The following CAMK2B variants were observed in gnomAD, a reference collection of about 807,000 sequenced individuals.
The protein encoded by CAMK2B is calcium/calmodulin dependent protein kinase II beta, also known as calcium/calmodulin-dependent protein kinase type II subunit beta.
CAMK2B carries 27 observed loss-of-function variants against 93.7 expected under a neutral mutation model. That is an observed-to-expected ratio of 0.29 (90% CI 0.21 to 0.40). The LOEUF (loss-of-function observed/expected upper bound fraction) is 0.40, where lower values mean the gene tolerates loss of function less well. Among genes scored for constraint, CAMK2B ranks in the 10% least tolerant of loss-of-function variants. The probability of loss-of-function intolerance (pLI) is 1.00; values close to 1 mark genes in which losing one functional copy is unlikely to be tolerated. For missense variants in CAMK2B, 568 were observed against 895.8 expected (o/e 0.63, Z 4.67); for synonymous variants, 374 against 358.8 (o/e 1.04, Z -0.48).
At position 44,225,009 on chromosome 7, in the gene CAMK2B, C is replaced by T. The variant is rs536414704; in HGVS notation, c.1597+1507G>A. ...CCACACGAATCTCCATCCTGCCCTG[C>T]TCACAGCTCCTTCCTGCAGCCCCCT... On this transcript the variant is annotated intron_variant, in intron 20 of 23. Coordinates refer to ENST00000395749, the MANE Select transcript of CAMK2B (RefSeq NM_001220.5). This position sits in a 1 kb window ranked among gnomAD's most constrained non-coding sequence, Gnocchi z 5.0. Among the ~76,000 whole-genome samples the T allele has an allele frequency of 6.6e-5, 10 of 152,202 alleles. No individual in the cohort carries two copies. Among genetic ancestry groups the T allele is most frequent in the African/African-American group, 2.4e-4 (10 of 41,542 alleles).
In CAMK2B at chr7:44,240,594, G is replaced by T; in HGVS notation, c.946+113C>A. On this transcript the variant is annotated intron_variant, in intron 12 of 23. Coordinates refer to ENST00000395749, the MANE Select transcript of CAMK2B (RefSeq NM_001220.5). ...TCTCAGAGCTGAGGGCAGACGCCGA[G>T]GGCAGGCCTGCCGCAGAGGAGGAGT... 3 of 1,232,770 alleles carry T rather than the reference G, an allele frequency of 2.4e-6. No individual in the cohort carries two copies. The South Asian group carries it at 3.8e-5, about 16-fold the overall frequency. The allele number at this position is 1,232,770 out of a possible 1,614,324, so 76.4% of individuals were successfully genotyped here.
At chr7:44,228,970 C>T (rs755179163) in intron 18 of CAMK2B, 46 bp from the exon 19 acceptor site, 39 of 1,597,640 alleles carry the variant, frequency 2.4e-5, no homozygotes, top group East Asian at 4.5e-5. Flanking sequence ...GACAGACACA[C>T]GAGGCGGCGG....
At chr7:44,275,542 G>A (rs1483125721) in intron 2 of CAMK2B, among the ~76,000 whole-genome samples, 3 of 152,232 alleles carry the variant, frequency 2.0e-5, no homozygotes, top group African/African-American at 4.8e-5. Context: ...AAAACACAGG[G>A]TGCCCAGTTA....
chr7:44,221,287 C>G (rs2096401627), intron 20 of CAMK2B, among the ~76,000 whole-genome samples: 1 of 152,228 alleles, frequency 6.6e-6, no homozygotes, highest in Admixed American at 6.5e-5. Flanking sequence ...CCTGGGCCCA[C>G]CAGGCCTGGC....
intron 1 of CAMK2B, among the ~76,000 whole-genome samples, chr7:44,313,233 G>A (rs141230723): frequency 1.7e-3 from 264 of 152,248 alleles, no homozygotes; most frequent in Non-Finnish European, 2.3e-3. Context: ...TGATCCTTGG[G>A]CTGCCTTTCA....
chr7:44,265,346 C>T (rs148869984), intron 2 of CAMK2B, among the ~76,000 whole-genome samples: 5 of 152,322 alleles, frequency 3.3e-5, no homozygotes, highest in Admixed American at 1.3e-4. Context: ...CTACAATCCA[C>T]GTTCCACCTT....
intron 4 of CAMK2B, among the ~76,000 whole-genome samples, chr7:44,255,412 G>A (rs1347825756): frequency 1.3e-5 from 2 of 152,178 alleles, no homozygotes; most frequent in African/African-American, 4.8e-5. Flanking sequence ...CCCTCTGCAG[G>A]TCTGCCCAAG....
Position 44,286,272 on chromosome 7 carries a change from G to A in CAMK2B, c.66-2047C>T, listed in dbSNP as rs1282664835. On this transcript the variant is annotated intron_variant, in intron 1 of 23. Coordinates refer to ENST00000395749, the MANE Select transcript of CAMK2B (RefSeq NM_001220.5). The surrounding 1 kb of genome is among the most constrained non-coding windows in gnomAD (Gnocchi z 4.0). The stretch of plus-strand genomic sequence containing the variant: ...CGCTCTGACCCCTAGAGGGCTCAGC[G>A]GCCACAGGGCTGACGTGGCAGGCCT... Among the ~76,000 whole-genome samples, 5 of 152,122 alleles carry A rather than the reference G, an allele frequency of 3.3e-5. No homozygotes were observed. Among genetic ancestry groups the A allele is most frequent in the African/African-American group, 7.2e-5 (3 of 41,430 alleles).
intron 11 of CAMK2B, 42 bp from the exon 12 acceptor site, chr7:44,240,791 G>A: frequency 1.2e-6 from 2 of 1,603,418 alleles, no homozygotes; most frequent in Non-Finnish European, 1.7e-6. Flanking sequence ...TCCCATCAGT[G>A]TTCCCTGCTG....
In CAMK2B at chr7:44,226,569, ACTGGCGAGGGGCCCTC is replaced by A. The variant is rs1041322115; in HGVS notation, c.1528_1543del (p.Glu510TrpfsTer51). Reference sequence around the variant, plus strand: ...CGGAGATGGGCAGGGCGGGGGCCCCACTGGCGAGGGGCCCTCGGCTTCTGGGGTCCCTGAGCCCCTC... The same window carrying A: ...CGGAGATGGGCAGGGCGGGGGCCCCAGGCTTCTGGGGTCCCTGAGCCCCTC... On this transcript the variant is annotated frameshift_variant, in exon 20 of 24. Coordinates refer to ENST00000395749, the MANE Select transcript of CAMK2B (RefSeq NM_001220.5). LOFTEE classifies it high-confidence loss of function. The A allele has an allele frequency of 2.8e-5, 41 of 1,465,048 alleles. No homozygotes were observed. The highest frequency in any genetic ancestry group is 3.1e-5 in the Non-Finnish European group (35 of 1,114,990). The allele number at this position is 1,465,048 out of a possible 1,614,324, so 90.8% of individuals were successfully genotyped here.
rs193025230 is a variant in CAMK2B at position 44,322,814 on chromosome 7, G to A, written c.65+2543C>T. Among the ~76,000 whole-genome samples, 879 of 152,374 alleles carry A rather than the reference G, an allele frequency of 5.8e-3. 11 individuals are homozygous for A. The highest frequency in any genetic ancestry group is 0.02 in the African/African-American group (838 of 41,588). ...AGGCCAGTGGCCTCGTCACACATGA[G>A]CAGCTGTGGGCCTGAGGCCAAGCCC... On this transcript the variant is annotated intron_variant, in intron 1 of 23. Coordinates refer to ENST00000395749, the MANE Select transcript of CAMK2B (RefSeq NM_001220.5).
intron 1 of CAMK2B, among the ~76,000 whole-genome samples, chr7:44,289,338 G>A (rs889964697): frequency 6.6e-6 from 1 of 152,218 alleles, no homozygotes; most frequent in Non-Finnish European, 1.5e-5. Flanking sequence ...CAGCATGGCT[G>A]GAGTTTGTGG....
At chr7:44,239,405 C>T (rs2096655189) in intron 13 of CAMK2B, among the ~76,000 whole-genome samples, 184 bp downstream of exon 13, 1 of 152,214 alleles carries the variant, frequency 6.6e-6, no homozygotes, top group African/African-American at 2.4e-5. Context: ...GCCTTGGGGG[C>T]TGCCTCCCTG....
intron 13 of CAMK2B, among the ~76,000 whole-genome samples, chr7:44,238,405 C>T (rs1304532213): frequency 6.6e-6 from 1 of 152,202 alleles, no homozygotes; most frequent in Non-Finnish European, 1.5e-5. Context: ...GCAGTGCCTC[C>T]CCAGAAGCCA....
intron 20 of CAMK2B, among the ~76,000 whole-genome samples, chr7:44,223,132 G>A (rs2128872605): frequency 6.6e-6 from 1 of 152,140 alleles, no homozygotes; most frequent in Non-Finnish European, 1.5e-5. Context: ...TCATACATAT[G>A]CATGAGCACC....
rs1050814344 is a variant in CAMK2B, at chr7:44,265,424, C to T, written c.161-2360G>A. Reference sequence around the variant, plus strand: ...GACAGGATCCAAGCCCAGGACCACACATCGCCACGGGACGTGTGGGCCAGA... The same window carrying T: ...GACAGGATCCAAGCCCAGGACCACATATCGCCACGGGACGTGTGGGCCAGA... On this transcript the variant is annotated intron_variant, in intron 2 of 23. Transcript: ENST00000395749. Among the ~76,000 whole-genome samples the T allele has an allele frequency of 5.3e-5, 8 of 152,370 alleles. No homozygotes were observed. The East Asian group carries it at 1.2e-3, about 22-fold the overall frequency.
chr7:44,258,757 G>C (rs2129026246), intron 4 of CAMK2B, 115 bp downstream of exon 4: 2 of 893,800 alleles, frequency 2.2e-6, no homozygotes, highest in African/African-American at 1.6e-5. Flanking sequence ...GCACACTCAA[G>C]GGAGTGGCCA....
At chr7:44,221,532 C>T (rs890694721) in intron 20 of CAMK2B, among the ~76,000 whole-genome samples, 3 of 151,520 alleles carry the variant, frequency 2.0e-5, no homozygotes, top group Non-Finnish European at 2.9e-5. Flanking sequence ...GGAGCGATGA[C>T]CAGGGCTGTC....
chr7:44,227,991 C>T (rs984286150), intron 19 of CAMK2B, among the ~76,000 whole-genome samples: 10 of 151,380 alleles, frequency 6.6e-5, no homozygotes, highest in Non-Finnish European at 8.9e-5. Flanking sequence ...GGTGCTGCTG[C>T]GGACAGCGTG....
Sources: gnomAD v4.1 joint callset for allele counts (sites outside exome capture counted in the v4.1 genomes callset) on GRCh38, gnomAD v4.1.1 for gene constraint, Gnocchi (gnomAD v3.1) non-coding constraint, MANE v1.5 for transcripts, NCBI Gene and HGNC (gene_info 2026-07-23, HGNC 2026-07-21) for gene names.